The following MMP16 variants were observed in gnomAD, a reference collection of about 807,000 sequenced individuals.
MMP16 encodes matrix metallopeptidase 16.
MMP16 carries 12 observed loss-of-function variants against 67.8 expected under a neutral mutation model. The ratio of observed to expected loss-of-function variants is 0.18; its 90% confidence interval spans 0.11 to 0.29. The LOEUF (loss-of-function observed/expected upper bound fraction) is 0.29, where lower values mean the gene tolerates loss of function less well. MMP16 is among the 10% of genes least tolerant of loss of function. MMP16 has a pLI of 1.00. For synonymous variants in MMP16, 249 were observed against 255.9 expected (o/e 0.97, Z 0.26); for missense variants, 475 against 765.7 (o/e 0.62, Z 4.48).
chr8:88,161,268 A>G (rs192142963), intron 4 of MMP16, among the ~76,000 whole-genome samples: 49 of 152,276 alleles, frequency 3.2e-4, no homozygotes, highest in African/African-American at 7.7e-4. Context: ...TTCCTGGTTT[A>G]GTCTTGGGAC....
intron 1 of MMP16, among the ~76,000 whole-genome samples, chr8:88,284,828 C>T (rs999538037): frequency 2.6e-5 from 4 of 151,184 alleles, no homozygotes; most frequent in Non-Finnish European, 5.9e-5. Context: ...CTTCCTTCTT[C>T]TCTATGCCTT....
At chr8:88,136,577 A>G (rs984531178) in intron 4 of MMP16, among the ~76,000 whole-genome samples, 1 of 151,686 alleles carries the variant, frequency 6.6e-6, no homozygotes, top group African/African-American at 2.4e-5. Context: ...CCTGATAACC[A>G]CAGATTAGGG....
At chr8:88,285,467 A>G (rs1399449571) in intron 1 of MMP16, among the ~76,000 whole-genome samples, 1 of 151,952 alleles carries the variant, frequency 6.6e-6, no homozygotes, top group Admixed American at 6.6e-5. Flanking sequence ...TATCTTTCCC[A>G]CCATTTTATC....
intron 1 of MMP16, among the ~76,000 whole-genome samples, chr8:88,198,297 T>C (rs901344972): frequency 3.3e-5 from 5 of 152,148 alleles, no homozygotes; most frequent in African/African-American, 1.2e-4. Context: ...CAATCTTCTA[T>C]AGGGCTCTAA....
intron 1 of MMP16, among the ~76,000 whole-genome samples, chr8:88,211,924 A>C (rs1163916975): frequency 6.6e-6 from 1 of 152,162 alleles, no homozygotes; most frequent in Non-Finnish European, 1.5e-5. Context: ...ATACATATCT[A>C]CCTTTACAAG....
chr8:88,114,447 T>C (rs1809395019), intron 6 of MMP16, among the ~76,000 whole-genome samples: 1 of 151,960 alleles, frequency 6.6e-6, no homozygotes, highest in East Asian at 1.9e-4. Context: ...TCTTACGTAT[T>C]AAAAGTATTA....
chr8:88,271,636 T>C (rs1915021), intron 1 of MMP16, among the ~76,000 whole-genome samples: 10,990 of 151,982 alleles, frequency 0.072, 382 homozygotes, highest in South Asian at 0.092. Flanking sequence ...TGGAATTACA[T>C]GTATGTGCCA....
chr8:88,229,198 G>A lies in MMP16; in HGVS notation c.133-31892C>T, dbSNP rs997231900. On this transcript the variant is annotated intron_variant, in intron 1 of 9. Coordinates refer to ENST00000286614, the MANE Select transcript of MMP16 (RefSeq NM_005941.5). ...ATAGAAGTGATATGATAAAACTGTTGTTACTTTATTTGATATTTTGTGAAT... is the reference window on the plus strand; with the variant it reads ...ATAGAAGTGATATGATAAAACTGTTATTACTTTATTTGATATTTTGTGAAT... 3.3e-5 allele frequency among the ~76,000 whole-genome samples: 5 copies of A among 152,048 alleles called. No individual in the cohort carries two copies. In the East Asian group the frequency reaches 7.8e-4, roughly 24 times the overall value.
At chr8:88,193,321 A>G in intron 2 of MMP16, among the ~76,000 whole-genome samples, 1 of 152,172 alleles carries the variant, frequency 6.6e-6, no homozygotes, top group Non-Finnish European at 1.5e-5. Flanking sequence ...CAAATATTGC[A>G]TTGCATGTTT....
At chr8:88,176,690 G>C (rs1808897040) in intron 3 of MMP16, among the ~76,000 whole-genome samples, 1 of 152,118 alleles carries the variant, frequency 6.6e-6, no homozygotes, top group African/African-American at 2.4e-5. Flanking sequence ...TTTTCCAATT[G>C]ATCTATAAAG....
At chr8:88,127,121 C>T (rs986156670) in intron 4 of MMP16, among the ~76,000 whole-genome samples, 1 of 151,792 alleles carries the variant, frequency 6.6e-6, no homozygotes, top group Non-Finnish European at 1.5e-5. Context: ...AACTAGTGCA[C>T]CAACTGGTTA....
intron 4 of MMP16, among the ~76,000 whole-genome samples, chr8:88,147,777 T>TG (rs1563545495): frequency 2.1e-4 from 32 of 149,286 alleles, no homozygotes; most frequent in African/African-American, 7.1e-4. Context: ...AAATATGTGT[T>TG]TGTGTGTGTG....
At chr8:88,205,392 C>A (rs900873979) in intron 1 of MMP16, among the ~76,000 whole-genome samples, 2 of 152,086 alleles carry the variant, frequency 1.3e-5, no homozygotes, top group African/African-American at 4.8e-5. Context: ...AAGATACCTA[C>A]AATAACCAAG....
In MMP16 at chr8:88,046,800, A is replaced by G; in HGVS notation, c.1374-16T>C. On this transcript the variant is annotated splice_polypyrimidine_tract_variant and intron_variant, in intron 8 of 9. Coordinates refer to ENST00000286614, the MANE Select transcript of MMP16 (RefSeq NM_005941.5). The stretch of plus-strand genomic sequence containing the variant: ...TCTCCAATATCTACAAAGGATAAAA[A>G]CAACAACAACAAACACAATAACACA... The G allele has an allele frequency of 1.4e-6, 2 of 1,478,724 alleles. No individual in the cohort carries two copies. Among genetic ancestry groups the G allele is most frequent in the Non-Finnish European group, 1.9e-6 (2 of 1,076,622 alleles). The allele number at this position is 1,478,724 out of a possible 1,614,324, so 91.6% of individuals were successfully genotyped here.
At chr8:88,143,972 A>G (rs200928950) in intron 4 of MMP16, among the ~76,000 whole-genome samples, 1 of 152,054 alleles carries the variant, frequency 6.6e-6, no homozygotes, top group East Asian at 1.9e-4. Flanking sequence ...ACATTTCTCC[A>G]ACGTTTCCAT....
chr8:88,075,278 C>A (rs28991881), intron 6 of MMP16, among the ~76,000 whole-genome samples: 9,562 of 152,090 alleles, frequency 0.063, 532 homozygotes, highest in Admixed American at 0.13. Flanking sequence ...GAAAAATAGG[C>A]AAAATTATTT....
chr8:88,256,920 A>G (rs1055362258), intron 1 of MMP16, among the ~76,000 whole-genome samples: 16 of 152,182 alleles, frequency 1.1e-4, no homozygotes, highest in Admixed American at 9.8e-4. Context: ...TCAAGTTTTC[A>G]AAATGCATAA....
At chr8:88,224,034 A>G (rs1249749894) in intron 1 of MMP16, among the ~76,000 whole-genome samples, 2 of 152,096 alleles carry the variant, frequency 1.3e-5, no homozygotes, top group Admixed American at 6.6e-5. Flanking sequence ...TTGAGTGATA[A>G]TGGACAAGAA....
intron 4 of MMP16, among the ~76,000 whole-genome samples, chr8:88,167,036 A>G (rs1808725993): frequency 6.6e-6 from 1 of 151,936 alleles, no homozygotes; most frequent in African/African-American, 2.4e-5. Flanking sequence ...ACATGGTGAA[A>G]CCCCATCTCT....
Sources: gnomAD v4.1 joint callset for allele counts (sites outside exome capture counted in the v4.1 genomes callset) on GRCh38, gnomAD v4.1.1 for gene constraint, MANE v1.5 for transcripts, NCBI Gene and HGNC (gene_info 2026-07-23, HGNC 2026-07-21) for gene names.